LCP1: variants seen among roughly 807,000 people sequenced by gnomAD.
LCP1 encodes plastin-2.
Under a neutral mutation model 72.0 loss-of-function variants are expected in LCP1, and 23 were observed. That is an observed-to-expected ratio of 0.32 (90% CI 0.23 to 0.45). LCP1 has a LOEUF of 0.45. Among genes scored for constraint, LCP1 ranks in the 20% least tolerant of loss-of-function variants. The probability of loss-of-function intolerance (pLI) is 1.00; values close to 1 mark genes in which losing one functional copy is unlikely to be tolerated. For synonymous variants in LCP1, 245 were observed against 275.4 expected (o/e 0.89, Z 1.09); for missense variants, 571 against 748.3 (o/e 0.76, Z 2.76).
In LCP1 at chr13:46,160,509, C is replaced by A. The variant is rs149896091; in HGVS notation, c.-24-823G>T. On this transcript the variant is annotated intron_variant, in intron 1 of 15. Coordinates refer to ENST00000323076, the MANE Select transcript of LCP1 (RefSeq NM_002298.5). ...ACTTCAAAGGAAGTTAATCAAAATT[C>A]TCCATATTATTTAGGGATGAACAAA... Among the ~76,000 whole-genome samples, 477 of 152,296 alleles carry A rather than the reference C, an allele frequency of 3.1e-3. 4 individuals are homozygous for A. Among genetic ancestry groups the A allele is most frequent in the African/African-American group, 0.011 (464 of 41,560 alleles).
At chr13:46,152,169 C>T (rs1218696453) in intron 7 of LCP1, among the ~76,000 whole-genome samples, 1 of 152,046 alleles carries the variant, frequency 6.6e-6, no homozygotes, top group African/African-American at 2.4e-5. Flanking sequence ...CTTTTTCTTT[C>T]TTTCTTTCTT....
In LCP1 at chr13:46,130,998, C is replaced by G. The variant is rs2045630748; in HGVS notation, c.1627-60G>C. The stretch of plus-strand genomic sequence containing the variant: ...GTCCCAAAGTTACTCCCATTCAGCT[C>G]AAAGGAAGTGGGTGGCTTTTTCTTC... On this transcript the variant is annotated intron_variant, in intron 14 of 15. Transcript: ENST00000323076. 2.7e-6 allele frequency: 4 copies of G among 1,504,386 alleles called. No individual in the cohort carries two copies. In the South Asian group the frequency reaches 5.5e-5, roughly 21 times the overall value. The allele number at this position is 1,504,386 out of a possible 1,614,324, so 93.2% of individuals were successfully genotyped here. A position where few individuals can be genotyped will look rare whatever the true frequency, so the allele number is the denominator to read the frequency against.
chr13:46,163,109 G>A (rs1180745961), intron 1 of LCP1, among the ~76,000 whole-genome samples: 23 of 152,254 alleles, frequency 1.5e-4, no homozygotes, highest in African/African-American at 5.3e-4. Context: ...GAGCCCCTCT[G>A]CCCGGCCGCC....
Position 46,167,437 on chromosome 13 carries a change from G to A in LCP1, c.-24-7751C>T, listed in dbSNP as rs74074018. ...CTACCAAGTTGCCCAATCCCATTAA[G>A]GGTGTGACACAAGAACAAGCCTCCT... On this transcript the variant is annotated intron_variant, in intron 1 of 15. Transcript: ENST00000323076. Among the ~76,000 whole-genome samples, 1,504 of 152,230 alleles carry A rather than the reference G, an allele frequency of 9.9e-3. 29 individuals carry two copies. Among genetic ancestry groups the A allele is most frequent in the African/African-American group, 0.033 (1,382 of 41,512 alleles).
chr13:46,171,023 T>C (rs1035176856), intron 1 of LCP1, among the ~76,000 whole-genome samples: 1 of 152,214 alleles, frequency 6.6e-6, no homozygotes, highest in Non-Finnish European at 1.5e-5. Context: ...GCTCTCTCTA[T>C]AGAAAGCCTA....
At chr13:46,140,913 C>T (rs2045693537) in intron 13 of LCP1, among the ~76,000 whole-genome samples, 1 of 152,096 alleles carries the variant, frequency 6.6e-6, no homozygotes, top group African/African-American at 2.4e-5. Flanking sequence ...CAAAATGAAA[C>T]ATAGAGAAAA....
chr13:46,146,031 G>A lies in LCP1; in HGVS notation c.1174+877C>T, dbSNP rs550219934. Among the ~76,000 whole-genome samples, 6 of 151,038 alleles carry A rather than the reference G, an allele frequency of 4.0e-5. No homozygotes were observed. The East Asian group carries it at 1.2e-3, about 30-fold the overall frequency. On this transcript the variant is annotated intron_variant, in intron 10 of 15. Coordinates refer to ENST00000323076, the MANE Select transcript of LCP1 (RefSeq NM_002298.5). ...TAATCAATTCTGTTTTGCATATGCTGCACCTCAAATGATAGCCAAGGATCC... is the reference window on the plus strand; with the variant it reads ...TAATCAATTCTGTTTTGCATATGCTACACCTCAAATGATAGCCAAGGATCC...
At chr13:46,176,976 T>C (rs1334246955) in intron 1 of LCP1, among the ~76,000 whole-genome samples, 2 of 151,962 alleles carry the variant, frequency 1.3e-5, no homozygotes, top group Non-Finnish European at 2.9e-5. Flanking sequence ...TAAGAATCAA[T>C]GCTGCAACCA....
intron 15 of LCP1, 126 bp from the exon 16 acceptor site, chr13:46,127,849 C>G: frequency 1.9e-6 from 2 of 1,067,820 alleles, no homozygotes; most frequent in Non-Finnish European, 2.7e-6. Flanking sequence ...TGGCTGGAGT[C>G]AGTCACCAGC....
intron 1 of LCP1, among the ~76,000 whole-genome samples, chr13:46,165,316 G>C (rs779895912): frequency 4.6e-5 from 7 of 152,140 alleles, no homozygotes; most frequent in Middle Eastern, 3.4e-3. Context: ...GGAGGTTGCA[G>C]TGAACTGAGA....
In LCP1 at chr13:46,127,745, A is replaced by G. The variant is rs752679186; in HGVS notation, c.1752-22T>C. Reference sequence around the variant, plus strand: ...ATATCTAAAAGGGAGAAAAGAGGAAAAATAAGGAGAGCCTGAGAAACACAA... The same window carrying G: ...ATATCTAAAAGGGAGAAAAGAGGAAGAATAAGGAGAGCCTGAGAAACACAA... On this transcript the variant is annotated intron_variant, in intron 15 of 15. Coordinates refer to ENST00000323076, the MANE Select transcript of LCP1 (RefSeq NM_002298.5). 2.5e-6 allele frequency: 4 copies of G among 1,613,800 alleles called. No homozygotes were observed. In the South Asian group the frequency reaches 4.4e-5, roughly 18 times the overall value.
chr13:46,143,247 G>T, intron 12 of LCP1, 43 bp downstream of exon 12: 4 of 1,344,554 alleles, frequency 3.0e-6, no homozygotes, highest in South Asian at 2.3e-5. Context: ...TGCAGGCTAT[G>T]ACTTTGCCTG....
intron 1 of LCP1, among the ~76,000 whole-genome samples, chr13:46,168,219 T>C (rs1405886184): frequency 6.6e-6 from 1 of 152,166 alleles, no homozygotes; most frequent in Non-Finnish European, 1.5e-5. Context: ...ATTCATAAAT[T>C]GAGAAGCGGA....
At chr13:46,134,631 C>T (rs1386966544) in intron 13 of LCP1, among the ~76,000 whole-genome samples, 1 of 152,090 alleles carries the variant, frequency 6.6e-6, no homozygotes, top group Non-Finnish European at 1.5e-5. Flanking sequence ...GAGTAGCCTA[C>T]ATGATAAAGA....
chr13:46,179,752 G>A (rs577260120), intron 1 of LCP1, among the ~76,000 whole-genome samples: 28 of 152,224 alleles, frequency 1.8e-4, no homozygotes, highest in African/African-American at 6.3e-4. Context: ...AGCAGTGGCG[G>A]GGGAGGGGAT....
chr13:46,136,138 A>G (rs568256239), intron 13 of LCP1, among the ~76,000 whole-genome samples: 413 of 151,630 alleles, frequency 2.7e-3, no homozygotes, highest in African/African-American at 9.5e-3. Flanking sequence ...TTTCAACCAC[A>G]CAGAACCATC....
intron 7 of LCP1, 39 bp from the exon 8 acceptor site, chr13:46,151,117 G>C (rs370888874): frequency 6.3e-7 from 1 of 1,578,758 alleles, no homozygotes; most frequent in East Asian, 2.3e-5. Context: ...TAAATGCAGC[G>C]ATGTTGGGGG....
chr13:46,155,025 T>C (rs946502120), intron 5 of LCP1, 139 bp from the exon 6 acceptor site: 18 of 683,314 alleles, frequency 2.6e-5, no homozygotes, highest in South Asian at 2.6e-4. Context: ...AAATCAGTTA[T>C]GCCGTTTGAC....
chr13:46,141,370 C>T (rs1158720901), intron 13 of LCP1, among the ~76,000 whole-genome samples: 3 of 139,152 alleles, frequency 2.2e-5, no homozygotes, highest in Non-Finnish European at 4.6e-5. Context: ...CACACTACTG[C>T]ACTCCAGTCT....
Sources: allele counts gnomAD v4.1 joint callset (sites outside exome capture counted in the v4.1 genomes callset), GRCh38; gene constraint gnomAD v4.1.1; transcripts MANE v1.5; gene names NCBI Gene and HGNC (gene_info 2026-07-23, HGNC 2026-07-21).